Variants in PDGFB observed in about 807,000 individuals in gnomAD.
PDGFB encodes the protein platelet derived growth factor subunit B.
PDGFB carries 6 observed loss-of-function variants against 29.0 expected under a neutral mutation model. The observed-to-expected ratio is 0.21, with a 90% CI of 0.11 to 0.41. PDGFB has a LOEUF of 0.41. Among genes scored for constraint, PDGFB ranks in the 10% least tolerant of loss-of-function variants. The pLI is 1.00. For missense variants in PDGFB, 299 were observed against 341.8 expected (o/e 0.87, Z 0.99); for synonymous variants, 144 against 140.8 (o/e 1.02, Z -0.16).
At chr22:39,240,243 C>T (rs1307345304) in intron 1 of PDGFB, among the ~76,000 whole-genome samples, 1 of 152,170 alleles carries the variant, frequency 6.6e-6, no homozygotes, top group Non-Finnish European at 1.5e-5. Flanking sequence ...ATTTATAATA[C>T]TGGCAACCAC....
intron 1 of PDGFB, among the ~76,000 whole-genome samples, chr22:39,236,549 G>C (rs767511233): frequency 1.3e-5 from 2 of 152,216 alleles, no homozygotes; most frequent in Non-Finnish European, 2.9e-5. Flanking sequence ...CCTATTTTTA[G>C]AGCCCCTTTG....
intron 1 of PDGFB, chr22:39,240,781 A>G: frequency 6.5e-7 from 1 of 1,529,190 alleles, no homozygotes; most frequent in East Asian, 2.2e-5. Flanking sequence ...AATAAACCAG[A>G]ACATAGGAAG....
At chr22:39,228,183 G>A (rs565749757) in intron 5 of PDGFB, among the ~76,000 whole-genome samples, 5 of 152,284 alleles carry the variant, frequency 3.3e-5, no homozygotes, top group African/African-American at 7.2e-5. Context: ...CCAAAATACC[G>A]GAACTAAAAT....
intron 6 of PDGFB, 54 bp downstream of exon 6, chr22:39,225,641 C>T: frequency 2.0e-6 from 3 of 1,519,916 alleles, no homozygotes; most frequent in Non-Finnish European, 2.7e-6. Flanking sequence ...ATCCACAGAC[C>T]ACAGAGAAGA....
chr22:39,237,745 G>A (rs1236318005), intron 1 of PDGFB, among the ~76,000 whole-genome samples: 1 of 152,236 alleles, frequency 6.6e-6, no homozygotes, highest in African/African-American at 2.4e-5. Context: ...CCAGAGAGCT[G>A]AATCCCACGC....
chr22:39,240,713 A>T, intron 1 of PDGFB: 1 of 945,212 alleles, frequency 1.1e-6, no homozygotes, highest in Non-Finnish European at 1.7e-6. Flanking sequence ...GGGGACCAGG[A>T]GGAAAGCTCT....
chr22:39,243,636 G>A lies in PDGFB; in HGVS notation c.63+265C>T, dbSNP rs1390905077. Among the ~76,000 whole-genome samples the A allele has an allele frequency of 6.6e-6, 1 of 152,102 alleles. No homozygotes were observed. Among genetic ancestry groups the A allele is most frequent in the Non-Finnish European group, 1.5e-5 (1 of 67,978 alleles). On this transcript the variant is annotated intron_variant, in intron 1 of 6. Transcript: ENST00000331163. The surrounding 1 kb of genome is among the most constrained non-coding windows in gnomAD (Gnocchi z 6.4). ...CGGGTTCCCAAAGGGTGGGGGACAG[G>A]GCCACACACACCCTCCCCCGACACG...
chr22:39,226,215 A>C lies in PDGFB; in HGVS notation c.602-368T>G, dbSNP rs187666770. Among the ~76,000 whole-genome samples, 135 of 152,348 alleles carry C rather than the reference A, an allele frequency of 8.9e-4. 1 individual carries two copies. The highest frequency in any genetic ancestry group is 3.0e-3 in the African/African-American group (126 of 41,586). On this transcript the variant is annotated intron_variant, in intron 5 of 6. Coordinates refer to ENST00000331163, the MANE Select transcript of PDGFB (RefSeq NM_002608.4). ...TCTTTGTCATTGCCCACTGACCAAT[A>C]GAGTTTATTTCCCTGCCCCTTGAAT...
chr22:39,224,628 G>C lies in PDGFB; in HGVS notation c.*714C>G, dbSNP rs1932120544. 1 of 152,490 alleles carries C rather than the reference G, an allele frequency of 6.6e-6. No individual in the cohort carries two copies. The highest frequency in any genetic ancestry group is 1.5e-5 in the Non-Finnish European group (1 of 68,092). 9.4% of individuals were successfully genotyped at this position (152,490 alleles called of 1,614,324 possible). On this transcript the variant is annotated 3_prime_UTR_variant, in exon 7 of 7. Transcript: ENST00000331163. ...GGTGGCAGGAGGCAGGGGATACCCA[G>C]GTCACCATCTACAGCCACCTCAACA...
At chr22:39,241,540 C>T (rs1329603723) in intron 1 of PDGFB, among the ~76,000 whole-genome samples, 1 of 152,258 alleles carries the variant, frequency 6.6e-6, no homozygotes, top group African/African-American at 2.4e-5. Context: ...AAGGCAGTTT[C>T]TGTGCCACAG....
intron 5 of PDGFB, among the ~76,000 whole-genome samples, chr22:39,228,311 G>T (rs1932213947): frequency 1.3e-5 from 2 of 152,266 alleles, no homozygotes; most frequent in South Asian, 4.1e-4. Flanking sequence ...AAGAAGGCCA[G>T]GCGTGGTGGC....
chr22:39,241,221 G>C (rs1932562160), intron 1 of PDGFB: 1 of 460,292 alleles, frequency 2.2e-6, no homozygotes. Flanking sequence ...GCCTCGGCAG[G>C]CCCTCCACCC....
At chr22:39,228,782 G>A (rs532408408) in intron 5 of PDGFB, among the ~76,000 whole-genome samples, 1 of 151,694 alleles carries the variant, frequency 6.6e-6, no homozygotes, top group Non-Finnish European at 1.5e-5. Flanking sequence ...CCAGCTACTC[G>A]GGAGGCTAAG....
At position 39,244,725 on chromosome 22, in the gene PDGFB, G is replaced by GGCTGCGGGCTGCGAGCTGCGA. The variant is rs1555924394; in HGVS notation, c.-783_-763dup. The stretch of plus-strand genomic sequence containing the variant: ...CTCGCCGCTCTGGGCGTCCTCTGCG[G>GGCTGCGGGCTGCGAGCTGCGA]GCTGCGGGCTGCGAGCTGCGAGCTG... On this transcript the variant is annotated 5_prime_UTR_variant, in exon 1 of 7. Coordinates refer to ENST00000331163, the MANE Select transcript of PDGFB (RefSeq NM_002608.4). This position sits in a 1 kb window ranked among gnomAD's most constrained non-coding sequence, Gnocchi z 4.5. The GGCTGCGGGCTGCGAGCTGCGA allele has an allele frequency of 1.7e-5, 3 of 181,810 alleles. No individual in the cohort carries two copies. Among genetic ancestry groups the GGCTGCGGGCTGCGAGCTGCGA allele is most frequent in the South Asian group, 2.0e-4 (1 of 5,126 alleles). The allele number at this position is 181,810 out of a possible 1,614,324, so 11.3% of individuals were successfully genotyped here.
At chr22:39,237,118 C>T (rs1025903425) in intron 1 of PDGFB, among the ~76,000 whole-genome samples, 61 of 152,202 alleles carry the variant, frequency 4.0e-4, no homozygotes, top group Admixed American at 9.2e-4. Context: ...TGCCTGACGG[C>T]GGAGGGGGAG....
At position 39,244,025 on chromosome 22, in the gene PDGFB, G is replaced by T; in HGVS notation, c.-62C>A. 2 of 1,017,140 alleles carry T rather than the reference G, an allele frequency of 2.0e-6. No individual in the cohort carries two copies. Among genetic ancestry groups the T allele is most frequent in the Non-Finnish European group, 2.9e-6 (2 of 696,520 alleles). The allele number at this position is 1,017,140 out of a possible 1,614,324, so 63.0% of individuals were successfully genotyped here. On this transcript the variant is annotated 5_prime_UTR_variant, in exon 1 of 7. Coordinates refer to ENST00000331163, the MANE Select transcript of PDGFB (RefSeq NM_002608.4). The surrounding 1 kb of genome is among the most constrained non-coding windows in gnomAD (Gnocchi z 4.5). ...CGTAGATCGAGCGCGCCGCCCCCGC[G>T]GCCAGGGTGGGGGGCTGGGGAGGGG...
Position 39,244,566 on chromosome 22 carries a change from G to A in PDGFB, c.-603C>T, listed in dbSNP as rs1448619555. On this transcript the variant is annotated 5_prime_UTR_variant, in exon 1 of 7. Coordinates refer to ENST00000331163, the MANE Select transcript of PDGFB (RefSeq NM_002608.4). This position sits in a 1 kb window ranked among gnomAD's most constrained non-coding sequence, Gnocchi z 4.5. ...GCCCGGGCCGGGTAGGGGGGCGGGA[G>A]CGTGTGCGCCCTGGCGCGGGGCCCG... 3 of 157,088 alleles carry A rather than the reference G, an allele frequency of 1.9e-5. No homozygotes were observed. The highest frequency in any genetic ancestry group is 1.3e-4 in the Admixed American group (2 of 15,156). 9.7% of individuals were successfully genotyped at this position (157,088 alleles called of 1,614,324 possible).
rs143102464 is a variant in PDGFB at position 39,226,282 on chromosome 22, G to A, written c.602-435C>T. Among the ~76,000 whole-genome samples the A allele has an allele frequency of 9.5e-4, 145 of 152,300 alleles. 1 individual carries two copies. The highest frequency in any genetic ancestry group is 3.2e-3 in the African/African-American group (135 of 41,550). On this transcript the variant is annotated intron_variant, in intron 5 of 6. Transcript: ENST00000331163. ...TCTGGTTAACCAACAAGAGGCAGAC[G>A]TGGTGCCGTGCCAGTTCCAGGCAGA... is the stretch of plus-strand genomic sequence containing the variant.
chr22:39,231,704 A>T lies in PDGFB; in HGVS notation c.374T>A (p.Val125Glu). The change falls in exon 4 of 7, where the codon GTG becomes GAG. Residue 125 changes from valine (V) to glutamate (E), a missense_variant. Transcript: ENST00000331163. The surrounding 1 kb of genome is among the most constrained non-coding windows in gnomAD (Gnocchi z 4.3). ...NANFLVWPPCVEVQRCSGCCN... is the reference protein window; with the variant it reads ...NANFLVWPPCEEVQRCSGCCN... ...GCAGCCGGAGCAGCGCTGCACCTCC[A>T]CACAGGGCGGCCACACCAGGAAGTT... The T allele has an allele frequency of 6.2e-7, 1 of 1,608,648 alleles. No individual in the cohort carries two copies. The highest frequency in any genetic ancestry group is 8.5e-7 in the Non-Finnish European group (1 of 1,177,994).
Sources: gnomAD v4.1 joint callset for allele counts (sites outside exome capture counted in the v4.1 genomes callset) on GRCh38, gnomAD v4.1.1 for gene constraint, Gnocchi (gnomAD v3.1) non-coding constraint, MANE v1.5 for transcripts, NCBI Gene and HGNC (gene_info 2026-07-23, HGNC 2026-07-21) for gene names.